Variants in TAB2 observed in about 807,000 individuals in gnomAD.
TAB2 encodes TGF-beta-activated kinase 1 and MAP3K7-binding protein 2.
In TAB2, 3 loss-of-function variants were observed where a neutral mutation model predicts 65.0. That is an observed-to-expected ratio of 0.05 (90% CI 0.02 to 0.12). The LOEUF (loss-of-function observed/expected upper bound fraction) is 0.12. Ranked by LOEUF, TAB2 falls within the 10% of genes least tolerant of loss-of-function variation. The pLI is 1.00. For synonymous variants in TAB2, 298 were observed against 285.1 expected, an observed-to-expected ratio of 1.05 and a Z score of -0.46; for missense variants, 623 against 840.3, an observed-to-expected ratio of 0.74 and a Z score of 3.20.
At chr6:149,253,633 A>AG (rs1219405050) in intron 1 of TAB2, among the ~76,000 whole-genome samples, 1 of 147,486 alleles carries the variant, frequency 6.8e-6, no homozygotes, top group Non-Finnish European at 1.5e-5. Flanking sequence ...AAAAAAAAAA[A>AG]AAAAAGAAAG....
intron 1 of TAB2, among the ~76,000 whole-genome samples, chr6:149,367,932 T>G (rs1030983116): frequency 7.9e-5 from 12 of 152,106 alleles, no homozygotes; most frequent in African/African-American, 2.9e-4. Flanking sequence ...AAAGGAGATG[T>G]CAGTTAGCCA....
chr6:149,248,270 T>G (rs1777772805), intron 1 of TAB2, among the ~76,000 whole-genome samples: 1 of 152,082 alleles, frequency 6.6e-6, no homozygotes, highest in East Asian at 1.9e-4. Flanking sequence ...CAGGCGCCTG[T>G]AATCCCAACT....
chr6:149,316,242 T>C (rs1779248430), upstream of TAB2, among the ~76,000 whole-genome samples: 1 of 152,240 alleles, frequency 6.6e-6, no homozygotes. Flanking sequence ...TCCGATATTG[T>C]AAATCATAAG....
At chr6:149,380,137 G>C (rs575775103) in intron 3 of TAB2, 5 of 279,516 alleles carry the variant, frequency 1.8e-5, no homozygotes, top group Non-Finnish European at 3.5e-5. Context: ...TTACTCAGTA[G>C]ACTGAGGTAG....
intron 1 of TAB2, among the ~76,000 whole-genome samples, chr6:149,230,721 C>T (rs921651774): frequency 4.6e-5 from 7 of 152,150 alleles, no homozygotes; most frequent in African/African-American, 1.7e-4. Flanking sequence ...TGGATGGCTT[C>T]AGTGGAAGCC....
At chr6:149,228,268 T>C (rs909801983) in intron 1 of TAB2, among the ~76,000 whole-genome samples, 7 of 152,234 alleles carry the variant, frequency 4.6e-5, no homozygotes, top group African/African-American at 1.7e-4. Context: ...ATTACAAATG[T>C]ATAAATTATT....
intron 1 of TAB2, among the ~76,000 whole-genome samples, chr6:149,243,132 C>T (rs1011975706): frequency 2.0e-5 from 3 of 152,262 alleles, no homozygotes; most frequent in East Asian, 1.9e-4. Flanking sequence ...CCCTTCTCTC[C>T]GAAATCTGCT....
chr6:149,254,018 G>GAA (rs1554254276), intron 1 of TAB2, among the ~76,000 whole-genome samples: 9 of 137,266 alleles, frequency 6.6e-5, no homozygotes, highest in Non-Finnish European at 1.4e-4. Context: ...AAGAAAGAAA[G>GAA]AAAGAAAAGA....
intron 6 of TAB2, among the ~76,000 whole-genome samples, chr6:149,402,775 G>A (rs973112220): frequency 1.3e-5 from 2 of 152,060 alleles, no homozygotes; most frequent in African/African-American, 4.8e-5. Flanking sequence ...AGGACCATAC[G>A]CCATGACCAA....
intron 1 of TAB2, among the ~76,000 whole-genome samples, chr6:149,262,156 A>G (rs1430562321): frequency 1.3e-5 from 2 of 152,244 alleles, no homozygotes; most frequent in Non-Finnish European, 2.9e-5. Context: ...AAAGCAAAGA[A>G]GATGATGAGG....
intron 1 of TAB2, among the ~76,000 whole-genome samples, chr6:149,282,749 CTG>C (rs1464954583): frequency 1.2e-4 from 19 of 152,150 alleles, no homozygotes; most frequent in Admixed American, 1.2e-3. Context: ...CAGCAATTTA[CTG>C]TCTTTCCGCA....
intron 1 of TAB2, among the ~76,000 whole-genome samples, chr6:149,234,883 A>G (rs1350735322): frequency 6.9e-6 from 1 of 145,888 alleles, no homozygotes; most frequent in East Asian, 2.1e-4. Context: ...AAAAAAAAAC[A>G]CACTCTTTTT....
chr6:149,282,322 A>G (rs966441624), intron 1 of TAB2, among the ~76,000 whole-genome samples: 1 of 152,208 alleles, frequency 6.6e-6, no homozygotes, highest in Non-Finnish European at 1.5e-5. Context: ...ATTATAATTG[A>G]AGAATTTAAC....
chr6:149,393,526 C>G (rs1278526068), intron 3 of TAB2, among the ~76,000 whole-genome samples: 1 of 152,140 alleles, frequency 6.6e-6, no homozygotes, highest in Non-Finnish European at 1.5e-5. Context: ...TCTCCTAAAT[C>G]ATCATTGAAT....
rs114252488 is a variant in TAB2 at position 149,319,839 on chromosome 6, A to G, written c.-90+1824A>G. Among the ~76,000 whole-genome samples the G allele has an allele frequency of 6.8e-3, 1,029 of 152,296 alleles. 9 individuals carry two copies. Among genetic ancestry groups the G allele is most frequent in the African/African-American group, 0.024 (979 of 41,554 alleles). On this transcript the variant is annotated intron_variant, in intron 1 of 6. Coordinates refer to ENST00000637181, the MANE Select transcript of TAB2 (RefSeq NM_001292034.3). ...TTAAGGACACTGATGAAATGCTACT[A>G]TTGAACCCCCTTTAGTTAACTATTT...
chr6:149,329,034 T>C (rs970561485), intron 1 of TAB2, among the ~76,000 whole-genome samples: 1 of 152,016 alleles, frequency 6.6e-6, no homozygotes, highest in Non-Finnish European at 1.5e-5. Context: ...AGTTCTACAG[T>C]GCATTAGGTA....
chr6:149,275,279 AG>A lies in TAB2; in HGVS notation c.-121+56504del, dbSNP rs1406940384. Among the ~76,000 whole-genome samples the A allele has an allele frequency of 2.2e-4, 34 of 151,338 alleles. 1 individual carries two copies. The highest frequency in any genetic ancestry group is 5.9e-4 in the East Asian group (3 of 5,124). ...AAGAAAGAAAGAAAGAAAGAAAGAAAGAAAGAAAGAAAGAAAGAAAGAGAAA... is the reference window on the plus strand; with the variant it reads ...AAGAAAGAAAGAAAGAAAGAAAGAAAAAAGAAAGAAAGAAAGAAAGAGAAA... On this transcript the variant is annotated intron_variant, in intron 1 of 1. Coordinates refer to the TAB2 transcript ENST00000606202.
chr6:149,267,230 A>G (rs1459735094), intron 1 of TAB2, among the ~76,000 whole-genome samples: 1 of 152,104 alleles, frequency 6.6e-6, no homozygotes, highest in Non-Finnish European at 1.5e-5. Flanking sequence ...TTCTGAAGGA[A>G]TGTGATGAGC....
chr6:149,345,772 A>C (rs765009950), intron 1 of TAB2, among the ~76,000 whole-genome samples: 1 of 152,206 alleles, frequency 6.6e-6, no homozygotes, highest in Non-Finnish European at 1.5e-5. Context: ...AATATAATGC[A>C]TCTTTTGTGT....
Sources: gnomAD v4.1 joint callset for allele counts (sites outside exome capture counted in the v4.1 genomes callset) on GRCh38, gnomAD v4.1.1 for gene constraint, MANE v1.5 for transcripts, NCBI Gene and HGNC (gene_info 2026-07-23, HGNC 2026-07-21) for gene names.